Variants in KCNAB1 observed in about 807,000 individuals in gnomAD.
KCNAB1 encodes potassium voltage-gated channel subfamily A regulatory beta subunit 1, also known as voltage-gated potassium channel subunit beta-1.
In KCNAB1, 35 loss-of-function variants were observed where a neutral mutation model predicts 64.6. That is an observed-to-expected ratio of 0.54 (90% CI 0.41 to 0.72). KCNAB1 has a LOEUF of 0.72. Among genes scored for constraint, KCNAB1 ranks in the 30% least tolerant of loss-of-function variants. The probability of loss-of-function intolerance (pLI) is 0.00; values close to 1 mark genes in which losing one functional copy is unlikely to be tolerated. For missense variants in KCNAB1, 401 were observed against 512.9 expected (o/e 0.78, Z 2.11); for synonymous variants, 177 against 183.8 (o/e 0.96, Z 0.30).
In KCNAB1 at chr3:156,412,797, C is replaced by A. The variant is rs146264188; in HGVS notation, c.276-8819C>A. Among the ~76,000 whole-genome samples the A allele has an allele frequency of 2.5e-3, 387 of 152,280 alleles. 4 individuals are homozygous for A. Among genetic ancestry groups the A allele is most frequent in the African/African-American group, 8.9e-3 (368 of 41,544 alleles). On this transcript the variant is annotated intron_variant, in intron 1 of 13. Transcript: ENST00000490337. ...TGGCTGTGAAGAAGTCAGGGTGGTGCTGAAGGAAGCTGGCTCTTCTGGATT... is the reference window on the plus strand; with the variant it reads ...TGGCTGTGAAGAAGTCAGGGTGGTGATGAAGGAAGCTGGCTCTTCTGGATT...
At chr3:156,212,586 C>A (rs1715078608) in intron 1 of KCNAB1, among the ~76,000 whole-genome samples, 1 of 152,144 alleles carries the variant, frequency 6.6e-6, no homozygotes, top group Admixed American at 6.5e-5. Flanking sequence ...TGATTGTAAA[C>A]TCACACCCAC....
At chr3:156,352,051 C>G (rs536808726) in intron 1 of KCNAB1, among the ~76,000 whole-genome samples, 150 of 152,350 alleles carry the variant, frequency 9.8e-4, no homozygotes, top group African/African-American at 3.4e-3. Flanking sequence ...GGCTGCTACC[C>G]AGGCTTCCTG....
At position 156,408,789 on chromosome 3, in the gene KCNAB1, A is replaced by T. The variant is rs367877404; in HGVS notation, c.276-12827A>T. On this transcript the variant is annotated intron_variant, in intron 1 of 13. Transcript: ENST00000490337. The stretch of plus-strand genomic sequence containing the variant: ...AGTGAGACTCCATCTCCATAAAAAA[A>T]AAAATAAAATAAAATAAATAACCTG... Among the ~76,000 whole-genome samples the T allele has an allele frequency of 1.6e-3, 245 of 152,248 alleles. 1 individual carries two copies. Among genetic ancestry groups the T allele is most frequent in the African/African-American group, 4.3e-3 (179 of 41,550 alleles).
intron 1 of KCNAB1, among the ~76,000 whole-genome samples, chr3:156,128,326 T>C (rs370667549): frequency 3.3e-5 from 5 of 152,288 alleles, no homozygotes; most frequent in African/African-American, 1.2e-4. Context: ...ATAGAGACAG[T>C]GCAACTGAAG....
chr3:156,157,347 C>T (rs1201257838), intron 1 of KCNAB1, among the ~76,000 whole-genome samples: 1 of 152,106 alleles, frequency 6.6e-6, no homozygotes, highest in African/African-American at 2.4e-5. Flanking sequence ...AGAAAAAAAT[C>T]ATAAGAAATT....
At chr3:156,498,251 C>T (rs1043774230) in intron 8 of KCNAB1, among the ~76,000 whole-genome samples, 7 of 152,294 alleles carry the variant, frequency 4.6e-5, no homozygotes, top group Admixed American at 3.9e-4. Context: ...AAACCATCCA[C>T]ATCAATTTGC....
chr3:156,466,366 A>G (rs964631195), intron 7 of KCNAB1, among the ~76,000 whole-genome samples: 2 of 152,248 alleles, frequency 1.3e-5, no homozygotes, highest in African/African-American at 2.4e-5. Context: ...TTGTTTATCC[A>G]TTTATCAGTT....
At chr3:156,218,801 A>AAATAATAAT (rs1553822950) in intron 1 of KCNAB1, among the ~76,000 whole-genome samples, 4 of 112,244 alleles carry the variant, frequency 3.6e-5, no homozygotes, top group South Asian at 3.0e-4. Flanking sequence ...AAAAAAAAAA[A>AAATAATAAT]AATAATAATA....
intron 1 of KCNAB1, among the ~76,000 whole-genome samples, chr3:156,273,143 G>T (rs1202353443): frequency 6.6e-6 from 1 of 151,236 alleles, no homozygotes; most frequent in Admixed American, 6.6e-5. Flanking sequence ...AAAAAAAAAC[G>T]GGTCTCTTTT....
chr3:156,296,460 C>T (rs1204462114), intron 1 of KCNAB1, among the ~76,000 whole-genome samples: 1 of 91,066 alleles, frequency 1.1e-5, no homozygotes, highest in Admixed American at 9.7e-5. Context: ...AAAACTTCAA[C>T]TCCCCCCCCC....
At chr3:156,181,257 A>G (rs1373791757) in intron 1 of KCNAB1, among the ~76,000 whole-genome samples, 1 of 152,212 alleles carries the variant, frequency 6.6e-6, no homozygotes, top group African/African-American at 2.4e-5. Flanking sequence ...AGATGGGTAA[A>G]CTATCAAGAG....
intron 1 of KCNAB1, among the ~76,000 whole-genome samples, chr3:156,337,790 T>G (rs1246047586): frequency 6.6e-6 from 1 of 152,172 alleles, no homozygotes; most frequent in Non-Finnish European, 1.5e-5. Context: ...CATCCCTACC[T>G]GAAAAAATGA....
intron 1 of KCNAB1, among the ~76,000 whole-genome samples, chr3:156,247,809 C>T (rs1218910090): frequency 2.0e-5 from 3 of 152,170 alleles, no homozygotes; most frequent in Admixed American, 6.5e-5. Flanking sequence ...AAGTGATCTG[C>T]CCACCTCCGC....
In KCNAB1 at chr3:156,147,292, GT is replaced by G. The variant is rs1297778875; in HGVS notation, c.275+26408del. On this transcript the variant is annotated intron_variant, in intron 1 of 13. Transcript: ENST00000490337. ...TTCCTGATCTGTAAATCAGAGAGAA[GT>G]TCCTTTTGAGGTTCTTCTTTGTGTA... 1.4e-4 allele frequency among the ~76,000 whole-genome samples: 22 copies of G among 152,296 alleles called. 1 individual carries two copies. Among genetic ancestry groups the G allele is most frequent in the African/African-American group, 5.1e-4 (21 of 41,570 alleles).
chr3:156,247,060 T>C (rs1216213476), intron 1 of KCNAB1, among the ~76,000 whole-genome samples: 1 of 152,178 alleles, frequency 6.6e-6, no homozygotes, highest in Non-Finnish European at 1.5e-5. Context: ...GAATGTATGA[T>C]TGACTGGGAA....
intron 1 of KCNAB1, among the ~76,000 whole-genome samples, chr3:156,196,844 T>C (rs966045943): frequency 6.6e-6 from 1 of 152,198 alleles, no homozygotes; most frequent in Non-Finnish European, 1.5e-5. Flanking sequence ...CTATGTTGAA[T>C]AGGAGTGGTG....
chr3:156,482,692 G>T (rs1714918116), intron 8 of KCNAB1, among the ~76,000 whole-genome samples: 1 of 151,970 alleles, frequency 6.6e-6, no homozygotes, highest in Non-Finnish European at 1.5e-5. Flanking sequence ...CTTGTCCCTG[G>T]TTTTCTTATC....
At chr3:156,161,636 A>G (rs923335930) in intron 1 of KCNAB1, among the ~76,000 whole-genome samples, 1 of 152,186 alleles carries the variant, frequency 6.6e-6, no homozygotes, top group Non-Finnish European at 1.5e-5. Flanking sequence ...GTAACTGTCT[A>G]TATATTTTTA....
intron 1 of KCNAB1, among the ~76,000 whole-genome samples, chr3:156,367,701 G>A (rs1291097566): frequency 6.6e-6 from 1 of 152,152 alleles, no homozygotes; most frequent in East Asian, 1.9e-4. Flanking sequence ...GACTGAGAGG[G>A]GCCCAGTGTT....
Sources: allele counts gnomAD v4.1 joint callset (sites outside exome capture counted in the v4.1 genomes callset), GRCh38; gene constraint gnomAD v4.1.1; transcripts MANE v1.5; gene names NCBI Gene and HGNC (gene_info 2026-07-23, HGNC 2026-07-21).